The following CDK17 variants were observed in gnomAD, a reference collection of about 807,000 sequenced individuals.
CDK17 encodes the protein cyclin-dependent kinase 17.
CDK17 carries 24 observed loss-of-function variants against 77.6 expected under a neutral mutation model. The ratio of observed to expected loss-of-function variants is 0.31; its 90% CI spans 0.22 to 0.44. The LOEUF (loss-of-function observed/expected upper bound fraction) is 0.44, where lower values mean the gene tolerates loss of function less well. CDK17 is among the 20% of genes least tolerant of loss of function. The pLI is 1.00. For missense variants in CDK17, 429 were observed against 622.5 expected (o/e 0.69, Z 3.31); for synonymous variants, 203 against 210.4 (o/e 0.96, Z 0.30).
intron 5 of CDK17, chr12:96,303,128 CTTG>C (rs1952530525): frequency 6.6e-6 from 1 of 152,042 alleles, no homozygotes; most frequent in Non-Finnish European, 1.5e-5. Context: ...TAATGACTAG[CTTG>C]TTGACGTGCT....
In CDK17 at chr12:96,341,345, G is replaced by A. The variant is rs940254453; in HGVS notation, c.-29-6480C>T. On this transcript the variant is annotated intron_variant, in intron 1 of 16. Transcript: ENST00000261211. ...CACACACACACACACACACACACACGTCTCATATATGTACGTGTGTGTACT... is the reference window on the plus strand; with the variant it reads ...CACACACACACACACACACACACACATCTCATATATGTACGTGTGTGTACT... 1.1e-4 allele frequency among the ~76,000 whole-genome samples: 8 copies of A among 70,268 alleles called. No individual in the cohort carries two copies. The East Asian group carries it at 1.3e-3, about 11-fold the overall frequency. 46.1% of individuals were successfully genotyped at this position (70,268 alleles called of 152,430 possible).
intron 2 of CDK17, among the ~76,000 whole-genome samples, chr12:96,332,692 T>G (rs1229160966): frequency 6.6e-6 from 1 of 152,154 alleles, no homozygotes; most frequent in African/African-American, 2.4e-5. Context: ...CCAAGAGGAA[T>G]CAATGTCTCT....
rs1313947878 is a variant in CDK17, at chr12:96,278,845, CAAAT to C, written c.*1393_*1396del. On this transcript the variant is annotated 3_prime_UTR_variant, in exon 17 of 17. Transcript: ENST00000261211. Reference sequence around the variant, plus strand: ...CCAAACATGCCACAATCACTATTCACAAATAAAGTTAAAATGAAATATACAAAAA... The same window carrying C: ...CCAAACATGCCACAATCACTATTCACAAAGTTAAAATGAAATATACAAAAA... 6.6e-6 allele frequency: 1 copy of C among 152,344 alleles called. No homozygotes were observed. Among genetic ancestry groups the C allele is most frequent in the Admixed American group, 6.5e-5 (1 of 15,268 alleles). 9.4% of individuals were successfully genotyped at this position (152,344 alleles called of 1,614,324 possible).
chr12:96,368,859 G>C (rs1000511873), intron 1 of CDK17, among the ~76,000 whole-genome samples: 1 of 132,724 alleles, frequency 7.5e-6, no homozygotes, highest in Non-Finnish European at 1.5e-5. Context: ...GCACAACAGA[G>C]TCCCAAACCC....
At chr12:96,392,425 T>G (rs1364558196) in intron 1 of CDK17, among the ~76,000 whole-genome samples, 1 of 152,060 alleles carries the variant, frequency 6.6e-6, no homozygotes, top group Non-Finnish European at 1.5e-5. Flanking sequence ...AAGAATATGG[T>G]TAGATTAAAA....
At chr12:96,380,288 T>G (rs1233369706) in intron 1 of CDK17, among the ~76,000 whole-genome samples, 7 of 150,838 alleles carry the variant, frequency 4.6e-5, no homozygotes, top group African/African-American at 1.7e-4. Flanking sequence ...AGCTGGTTTT[T>G]TTTTTTTTTT....
intron 1 of CDK17, among the ~76,000 whole-genome samples, chr12:96,387,349 A>G (rs148470914): frequency 2.2e-4 from 34 of 152,248 alleles, no homozygotes; most frequent in African/African-American, 7.7e-4. Flanking sequence ...GTGTTTCTAA[A>G]ACTCCAGGAT....
chr12:96,304,670 A>G lies in CDK17; in HGVS notation c.544-4310T>C, dbSNP rs763915509. Among the ~76,000 whole-genome samples the G allele has an allele frequency of 2.1e-4, 32 of 152,232 alleles. 1 individual carries two copies. Among genetic ancestry groups the G allele is most frequent in the Non-Finnish European group, 4.0e-4 (27 of 68,036 alleles). On this transcript the variant is annotated intron_variant, in intron 5 of 16. Transcript: ENST00000261211. The stretch of plus-strand genomic sequence containing the variant: ...TCCCTTAGACTTGGTGGGCAGGGGG[A>G]AAGACTGAGAATCTCTATTCTACTC...
At chr12:96,368,470 GCCAGTCAGCTGCT>G (rs377698162) in intron 1 of CDK17, among the ~76,000 whole-genome samples, 6 of 152,130 alleles carry the variant, frequency 3.9e-5, no homozygotes, top group African/African-American at 1.4e-4. Flanking sequence ...TCTGCAGCTG[GCCAGTCAGCTGCT>G]CCAGAAGAGG....
intron 15 of CDK17, among the ~76,000 whole-genome samples, chr12:96,281,130 G>A (rs1952173650): frequency 6.6e-6 from 1 of 152,190 alleles, no homozygotes; most frequent in African/African-American, 2.4e-5. Context: ...GTGGGCAAGT[G>A]TTTCTCTGAG....
At chr12:96,385,272 C>T (rs1953954123) in intron 1 of CDK17, among the ~76,000 whole-genome samples, 1 of 152,046 alleles carries the variant, frequency 6.6e-6, no homozygotes, top group South Asian at 2.1e-4. Flanking sequence ...CAAGATTGCG[C>T]CACTGCACTC....
chr12:96,358,053 A>T (rs1333559623), intron 1 of CDK17, among the ~76,000 whole-genome samples: 1 of 152,196 alleles, frequency 6.6e-6, no homozygotes, highest in Admixed American at 6.5e-5. Flanking sequence ...GTGATCTTTA[A>T]CAAAAAGAAG....
At chr12:96,326,805 C>G (rs890934917) in intron 2 of CDK17, among the ~76,000 whole-genome samples, 1 of 152,128 alleles carries the variant, frequency 6.6e-6, no homozygotes, top group Non-Finnish European at 1.5e-5. Context: ...AGTACCTAAC[C>G]GTGCGGGCAA....
At chr12:96,368,330 T>C (rs552280612) in intron 1 of CDK17, among the ~76,000 whole-genome samples, 5 of 152,340 alleles carry the variant, frequency 3.3e-5, no homozygotes, top group Admixed American at 2.6e-4. Flanking sequence ...TGTTCCCTCT[T>C]GTTCCCTCTT....
At chr12:96,310,022 C>A (rs1682511576) in intron 5 of CDK17, among the ~76,000 whole-genome samples, 1 of 152,034 alleles carries the variant, frequency 6.6e-6, no homozygotes, top group African/African-American at 2.4e-5. Flanking sequence ...AAAACATGCA[C>A]AGGAATGGTG....
intron 1 of CDK17, among the ~76,000 whole-genome samples, chr12:96,375,636 C>T (rs1483778889): frequency 6.6e-6 from 1 of 151,664 alleles, no homozygotes; most frequent in African/African-American, 2.4e-5. Context: ...CCTCCGCATC[C>T]TGGGTTCAAG....
At chr12:96,325,762 G>T (rs1383988070) in intron 2 of CDK17, among the ~76,000 whole-genome samples, 4 of 152,172 alleles carry the variant, frequency 2.6e-5, no homozygotes. Context: ...CTTAAGTGAA[G>T]CAAAATAATC....
intron 1 of CDK17, among the ~76,000 whole-genome samples, chr12:96,342,577 CAAACA>C (rs1014668873): frequency 6.6e-6 from 1 of 151,990 alleles, no homozygotes; most frequent in African/African-American, 2.4e-5. Context: ...AACAAACAAA[CAAACA>C]AAACCATGAA....
At chr12:96,351,454 G>A (rs547658070) in intron 1 of CDK17, among the ~76,000 whole-genome samples, 3 of 152,158 alleles carry the variant, frequency 2.0e-5, no homozygotes, top group South Asian at 2.1e-4. Context: ...ATATACATAC[G>A]ATGCCATAAA....
Sources: gnomAD v4.1 joint callset for allele counts (sites outside exome capture counted in the v4.1 genomes callset) on GRCh38, gnomAD v4.1.1 for gene constraint, MANE v1.5 for transcripts, NCBI Gene and HGNC (gene_info 2026-07-23, HGNC 2026-07-21) for gene names.